The following RASEF variants were observed in gnomAD, a reference collection of about 807,000 sequenced individuals.
RASEF encodes the protein ras and EF-hand domain-containing protein.
A neutral mutation model predicts 90.1 loss-of-function variants in RASEF; 68 were observed. The observed-to-expected ratio is 0.75, with a 90% confidence interval of 0.62 to 0.92. The LOEUF is 0.92. Among genes scored for constraint, RASEF ranks in the 40% least tolerant of loss-of-function variants. RASEF has a pLI of 0.00. For synonymous variants in RASEF, 331 were observed against 345.2 expected, an observed-to-expected ratio of 0.96 and a Z score of 0.46; for missense variants, 949 against 937.2, an observed-to-expected ratio of 1.01 and a Z score of -0.16.
Position 82,990,415 on chromosome 9 carries a change from A to G in RASEF, c.2093T>C (p.Val698Ala), listed in dbSNP as rs762630295. Residue 698 changes from valine to alanine, a missense_variant, in exon 16 of 17, where the codon GTG becomes GCG. This residue lies in a region of RASEF where 288 missense variants were observed against 328.4 expected (regional missense o/e 0.88). Coordinates refer to ENST00000376447, the MANE Select transcript of RASEF (RefSeq NM_152573.4). ...ETSAKDGSNIVEAVLHLAREV... is the reference protein window; with the variant it reads ...ETSAKDGSNIAEAVLHLAREV... Reference sequence around the variant, plus strand: ...CCGAGCAAGGTGCAGAACAGCCTCCACTATGTTAGAACCATCTTTGGCACT... The same window carrying G: ...CCGAGCAAGGTGCAGAACAGCCTCCGCTATGTTAGAACCATCTTTGGCACT... 5 of 1,613,746 alleles carry G rather than the reference A, an allele frequency of 3.1e-6. No individual in the cohort carries two copies. In the African/African-American group the frequency reaches 5.3e-5, roughly 17 times the overall value.
At position 83,015,914 on chromosome 9, in the gene RASEF, A is replaced by G; in HGVS notation, c.670-14T>C. ...TTTGCGTTTTTCCTAAAAGAAAAAA[A>G]AATATGTTGTTCATTTAAATAAGTT... On this transcript the variant is annotated splice_polypyrimidine_tract_variant and intron_variant, in intron 3 of 16. Coordinates refer to ENST00000376447, the MANE Select transcript of RASEF (RefSeq NM_152573.4). 1 of 1,590,276 alleles carries G rather than the reference A, an allele frequency of 6.3e-7. No homozygotes were observed. The highest frequency in any genetic ancestry group is 1.1e-5 in the South Asian group (1 of 90,590).
upstream of RASEF, chr9:83,063,227 G>A (rs977855241): frequency 4.0e-6 from 1 of 250,826 alleles, no homozygotes; most frequent in East Asian, 8.4e-5. Flanking sequence ...GCGCGCCACC[G>A]CTTCTCCAGT....
intron 16 of RASEF, among the ~76,000 whole-genome samples, chr9:82,983,169 ACTCT>A (rs1828649293): frequency 7.4e-6 from 1 of 135,398 alleles, no homozygotes; most frequent in African/African-American, 2.9e-5. Context: ...TTCTCCCCTC[ACTCT>A]CTCCTGAGGT....
At chr9:83,074,193 CA>C in the RASEF span, among the ~76,000 whole-genome samples, 1 of 152,116 alleles carries the variant, frequency 6.6e-6, no homozygotes, top group East Asian at 1.9e-4. Flanking sequence ...GGAGAATCTT[CA>C]ATCTAACAAC....
chr9:82,990,555 T>A, intron 15 of RASEF, 88 bp from the exon 16 acceptor site: 1 of 901,404 alleles, frequency 1.1e-6, no homozygotes, highest in Admixed American at 1.9e-5. Context: ...AATAAAAATA[T>A]GTTCCTACTG....
At chr9:83,083,200 T>C in the RASEF span, among the ~76,000 whole-genome samples, 2 of 151,836 alleles carry the variant, frequency 1.3e-5, no homozygotes, top group African/African-American at 2.4e-5. Flanking sequence ...CATAAAGGGG[T>C]TTGTCTGTGA....
the RASEF span, among the ~76,000 whole-genome samples, chr9:83,180,081 G>C: frequency 6.6e-6 from 1 of 152,052 alleles, no homozygotes; most frequent in African/African-American, 2.4e-5. Flanking sequence ...TTCACTATAT[G>C]CCTGTTTATA....
chr9:83,099,087 T>A, the RASEF span, among the ~76,000 whole-genome samples: 1 of 152,222 alleles, frequency 6.6e-6, no homozygotes, highest in African/African-American at 2.4e-5. Context: ...TCTATCTCTG[T>A]CTTTCCATAT....
At chr9:83,078,568 G>A in the RASEF span, among the ~76,000 whole-genome samples, 1 of 152,110 alleles carries the variant, frequency 6.6e-6, no homozygotes, top group African/African-American at 2.4e-5. Flanking sequence ...GGAAGCTGAG[G>A]TGGGAGAATC....
At chr9:83,113,629 T>G in the RASEF span, among the ~76,000 whole-genome samples, 1 of 151,658 alleles carries the variant, frequency 6.6e-6, no homozygotes, top group African/African-American at 2.4e-5. Flanking sequence ...TTGGGGGAGG[T>G]CTATAGATGG....
chr9:83,061,402 A>C (rs1587531408), intron 1 of RASEF, among the ~76,000 whole-genome samples: 1 of 152,216 alleles, frequency 6.6e-6, no homozygotes, highest in Non-Finnish European at 1.5e-5. Flanking sequence ...CAGATGTGCA[A>C]ACTGCCAACC....
chr9:83,107,635 G>A, the RASEF span, among the ~76,000 whole-genome samples: 3 of 152,054 alleles, frequency 2.0e-5, no homozygotes, highest in East Asian at 5.8e-4. Flanking sequence ...CATATTTAAC[G>A]CTTTGTTTTA....
the RASEF span, among the ~76,000 whole-genome samples, chr9:83,182,237 G>C: frequency 6.6e-6 from 1 of 152,208 alleles, no homozygotes; most frequent in Non-Finnish European, 1.5e-5. Flanking sequence ...TGAGACACAA[G>C]TGTGCTGCTT....
At position 83,062,555 on chromosome 9, in the gene RASEF, C is replaced by T. The variant is rs758405670; in HGVS notation, c.313G>A (p.Asp105Asn). 7.5e-6 allele frequency: 12 copies of T among 1,600,598 alleles called. No individual in the cohort carries two copies. Among genetic ancestry groups the T allele is most frequent in the East Asian group, 2.3e-5 (1 of 44,442 alleles). ...GCCGCCGCGTCCTCGTCGCCTTCGTCCTCCTCGCTGTCGTGTGTCTCCGGC... is the reference window on the plus strand; with the variant it reads ...GCCGCCGCGTCCTCGTCGCCTTCGTTCTCCTCGCTGTCGTGTGTCTCCGGC... ...AGPETHDSEE[D>N]EGDEDAAAAL... Residue 105 changes from aspartate (D) to asparagine (N), a missense_variant, in exon 1 of 17, where the codon GAC becomes AAC. By Grantham distance (23) the Asp-to-Asn change is conservative (BLOSUM62 1). Coordinates refer to ENST00000376447, the MANE Select transcript of RASEF (RefSeq NM_152573.4).
chr9:83,197,414 G>A, the RASEF span, among the ~76,000 whole-genome samples: 3 of 152,268 alleles, frequency 2.0e-5, no homozygotes, highest in East Asian at 5.8e-4. Context: ...CCTGCTATGA[G>A]TTGACATTGC....
chr9:83,011,079 T>C (rs1023798872), intron 5 of RASEF, among the ~76,000 whole-genome samples: 2 of 152,048 alleles, frequency 1.3e-5, no homozygotes, highest in African/African-American at 4.8e-5. Context: ...AAACAGAAAA[T>C]TTCTCTCTCA....
chr9:83,064,315 C>T (rs1830262977), upstream of RASEF, among the ~76,000 whole-genome samples: 1 of 152,166 alleles, frequency 6.6e-6, no homozygotes. Context: ...GAGAGGCATT[C>T]CATTAGAAGT....
intron 3 of RASEF, among the ~76,000 whole-genome samples, chr9:83,018,060 A>G (rs1475401020): frequency 1.3e-5 from 2 of 152,252 alleles, no homozygotes; most frequent in Non-Finnish European, 2.9e-5. Flanking sequence ...TACTGCATTT[A>G]TAAAGGCATC....
the RASEF span, among the ~76,000 whole-genome samples, chr9:83,096,157 A>G: frequency 6.6e-6 from 1 of 152,194 alleles, no homozygotes; most frequent in African/African-American, 2.4e-5. Flanking sequence ...AAGATGAAAC[A>G]TACCAGTGCA....
Sources: allele counts gnomAD v4.1 joint callset (sites outside exome capture counted in the v4.1 genomes callset), GRCh38; gene constraint gnomAD v4.1.1; regional missense constraint gnomAD v4.1.1; transcripts MANE v1.5; gene names NCBI Gene and HGNC (gene_info 2026-07-23, HGNC 2026-07-21).